The following ZDHHC14 variants were observed in gnomAD, a reference collection of about 807,000 sequenced individuals.
ZDHHC14 encodes zDHHC palmitoyltransferase 14, also known as palmitoyltransferase ZDHHC14.
ZDHHC14 carries 16 observed loss-of-function variants against 47.7 expected under a neutral mutation model. The ratio of observed to expected loss-of-function variants is 0.34; its 90% CI spans 0.23 to 0.51. ZDHHC14 has a LOEUF of 0.51. Ranked by LOEUF, ZDHHC14 falls within the 20% of genes least tolerant of loss-of-function variation. The probability of loss-of-function intolerance (pLI) is 0.97; values close to 1 mark genes in which losing one functional copy is unlikely to be tolerated. For synonymous variants in ZDHHC14, 293 were observed against 278.9 expected (o/e 1.05, Z -0.50); for missense variants, 515 against 662.5 (o/e 0.78, Z 2.44).
chr6:157,535,351 A>G (rs923184182), intron 1 of ZDHHC14, among the ~76,000 whole-genome samples: 1 of 152,106 alleles, frequency 6.6e-6, no homozygotes, highest in Non-Finnish European at 1.5e-5. Context: ...ACATTCCTCG[A>G]CTCGGTAGGG....
At position 157,559,547 on chromosome 6, in the gene ZDHHC14, C is replaced by T. The variant is rs1433666379; in HGVS notation, c.406+16802C>T. Reference sequence around the variant, plus strand: ...CTGCCCTCAGGTCTCCCAAGGAGAGCCCAGCCACCCTGCCATCTTGAAGGG... The same window carrying T: ...CTGCCCTCAGGTCTCCCAAGGAGAGTCCAGCCACCCTGCCATCTTGAAGGG... On this transcript the variant is annotated intron_variant, in intron 2 of 8. Coordinates refer to ENST00000359775, the MANE Select transcript of ZDHHC14 (RefSeq NM_024630.3). Among the ~76,000 whole-genome samples, 6 of 152,340 alleles carry T rather than the reference C, an allele frequency of 3.9e-5. No homozygotes were observed. The East Asian group carries it at 1.2e-3, about 29-fold the overall frequency.
At chr6:157,451,961 G>A (rs186704700) in intron 1 of ZDHHC14, among the ~76,000 whole-genome samples, 1 of 152,328 alleles carries the variant, frequency 6.6e-6, no homozygotes, top group Admixed American at 6.5e-5. Context: ...TAGGAGTGGG[G>A]AGGTCCCTGG....
At chr6:157,534,719 G>C (rs1194178563) in intron 1 of ZDHHC14, among the ~76,000 whole-genome samples, 2 of 152,006 alleles carry the variant, frequency 1.3e-5, no homozygotes, top group Admixed American at 1.3e-4. Context: ...CTCCCAAGTG[G>C]TTGGGACTAC....
chr6:157,620,704 T>C (rs929410412), intron 3 of ZDHHC14, among the ~76,000 whole-genome samples: 2 of 152,198 alleles, frequency 1.3e-5, no homozygotes, highest in African/African-American at 2.4e-5. Flanking sequence ...ACATTCCTGC[T>C]GCCATGCTGG....
At chr6:157,466,992 C>G (rs1428138065) in intron 1 of ZDHHC14, among the ~76,000 whole-genome samples, 1 of 152,124 alleles carries the variant, frequency 6.6e-6, no homozygotes, top group Non-Finnish European at 1.5e-5. Context: ...ACTGAAGGCT[C>G]CTACCCTTGT....
intron 2 of ZDHHC14, among the ~76,000 whole-genome samples, chr6:157,575,932 C>G (rs1046588538): frequency 6.6e-6 from 1 of 152,240 alleles, no homozygotes; most frequent in Admixed American, 6.5e-5. Context: ...CCTTGCAGGA[C>G]TCACTACTCG....
At chr6:157,565,928 C>G (rs553145983) in intron 2 of ZDHHC14, among the ~76,000 whole-genome samples, 2 of 152,220 alleles carry the variant, frequency 1.3e-5, no homozygotes, top group African/African-American at 4.8e-5. Flanking sequence ...GAAGTTAAGT[C>G]ACTTGTGGTG....
At chr6:157,667,258 G>T (rs576605456) in intron 8 of ZDHHC14, among the ~76,000 whole-genome samples, 1 of 152,238 alleles carries the variant, frequency 6.6e-6, no homozygotes, top group Admixed American at 6.5e-5. Context: ...TAACTGGTTA[G>T]ATCAATTCAA....
At chr6:157,465,105 C>CT (rs772080368) in intron 1 of ZDHHC14, among the ~76,000 whole-genome samples, 15,911 of 101,728 alleles carry the variant, frequency 0.16, 1,366 homozygotes, top group Non-Finnish European at 0.21. Context: ...TCTCTTTCTC[C>CT]TTTTTTTTTT....
At chr6:157,518,014 G>T (rs1341633265) in intron 1 of ZDHHC14, among the ~76,000 whole-genome samples, 1 of 152,170 alleles carries the variant, frequency 6.6e-6, no homozygotes, top group African/African-American at 2.4e-5. Context: ...GTGCATGGAT[G>T]TGGACACGCA....
chr6:157,468,815 C>G (rs148922308), intron 1 of ZDHHC14, among the ~76,000 whole-genome samples: 1 of 152,330 alleles, frequency 6.6e-6, no homozygotes, highest in African/African-American at 2.4e-5. Context: ...ATTAGTCCAG[C>G]ATCCTACAAA....
intron 1 of ZDHHC14, among the ~76,000 whole-genome samples, chr6:157,524,945 C>T (rs1419030508): frequency 1.3e-5 from 2 of 152,198 alleles, no homozygotes; most frequent in African/African-American, 4.8e-5. Context: ...AAACAGCAAG[C>T]ATTGATTATC....
intron 3 of ZDHHC14, 99 bp from the exon 4 acceptor site, chr6:157,628,250 C>T (rs1785515140): frequency 2.6e-6 from 3 of 1,163,258 alleles, no homozygotes; most frequent in South Asian, 1.5e-5. Flanking sequence ...TTGTGTTATA[C>T]TATCAGAGTA....
intron 1 of ZDHHC14, among the ~76,000 whole-genome samples, chr6:157,531,299 C>A (rs955029598): frequency 6.8e-6 from 1 of 146,908 alleles, no homozygotes; most frequent in South Asian, 2.2e-4. Context: ...CTGCCCCCCC[C>A]GGACATGCCG....
chr6:157,628,392 G>A lies in ZDHHC14; in HGVS notation c.609G>A (p.Gly203=). The A allele has an allele frequency of 6.2e-7, 1 of 1,613,330 alleles. No individual in the cohort carries two copies. Among genetic ancestry groups the A allele is most frequent in the East Asian group, 2.2e-5 (1 of 44,872 alleles). The change falls in exon 4 of 9, where the codon GGG becomes GGA. Residue 203 remains glycine (G), a synonymous_variant. Coordinates refer to ENST00000359775, the MANE Select transcript of ZDHHC14 (RefSeq NM_024630.3). ...GTCCCTGGGTAGGCAACTGTGTGGG[G>A]AAAAGAAACTACAGATTTTTTTATA... ...HHCPWVGNCV[G]KRNYRFFYMF... is the part of the protein sequence containing the mutation.
chr6:157,476,138 A>G (rs1256493765), intron 1 of ZDHHC14, among the ~76,000 whole-genome samples: 1 of 152,176 alleles, frequency 6.6e-6, no homozygotes, highest in East Asian at 1.9e-4. Flanking sequence ...AGTAAACAAT[A>G]GAAAAGATAA....
At chr6:157,641,488 T>C (rs1254285256) in intron 5 of ZDHHC14, among the ~76,000 whole-genome samples, 1 of 152,228 alleles carries the variant, frequency 6.6e-6, no homozygotes, top group Non-Finnish European at 1.5e-5. Flanking sequence ...TTCATGGGCC[T>C]TATTTTTTCT....
At position 157,494,324 on chromosome 6, in the gene ZDHHC14, C is replaced by T. The variant is rs143060824; in HGVS notation, c.246-48261C>T. Among the ~76,000 whole-genome samples, 1,303 of 152,310 alleles carry T rather than the reference C, an allele frequency of 8.6e-3. 21 individuals are homozygous for T. The highest frequency in any genetic ancestry group is 0.03 in the African/African-American group (1,230 of 41,566). On this transcript the variant is annotated intron_variant, in intron 1 of 8. Transcript: ENST00000359775. ...CGTCCTTGGATGCCTGTCCCTCCTC[C>T]GACCTTCCCCTGCACCCTCTGACAC...
intron 3 of ZDHHC14, among the ~76,000 whole-genome samples, chr6:157,627,950 C>T (rs1785505096): frequency 6.6e-6 from 1 of 152,228 alleles, no homozygotes; most frequent in South Asian, 2.1e-4. Flanking sequence ...ACTTGATCGA[C>T]ATCCAGCCCC....
Sources: gnomAD v4.1 joint callset for allele counts (sites outside exome capture counted in the v4.1 genomes callset) on GRCh38, gnomAD v4.1.1 for gene constraint, MANE v1.5 for transcripts, NCBI Gene and HGNC (gene_info 2026-07-23, HGNC 2026-07-21) for gene names.